TMEM117: variants seen among roughly 807,000 people sequenced by gnomAD.
TMEM117 encodes transmembrane protein 117.
A neutral mutation model predicts 52.4 loss-of-function variants in TMEM117; 27 were observed. The observed-to-expected ratio is 0.51, with a 90% CI of 0.38 to 0.71. The LOEUF is 0.71. TMEM117 is among the 30% of genes least tolerant of loss of function. The pLI is 0.00. For missense variants in TMEM117, 556 were observed against 630.5 expected, an observed-to-expected ratio of 0.88 and a Z score of 1.26; for synonymous variants, 215 against 206.3, an observed-to-expected ratio of 1.04 and a Z score of -0.36.
chr12:44,172,042 G>T (rs186877269), intron 4 of TMEM117, among the ~76,000 whole-genome samples: 1 of 152,350 alleles, frequency 6.6e-6, no homozygotes, highest in African/African-American at 2.4e-5. Flanking sequence ...GGGAGATGAA[G>T]TTTGGTTGTA....
In TMEM117 at chr12:44,378,110, G is replaced by A. The variant is rs1951967751; in HGVS notation, c.898+1386G>A. On this transcript the variant is annotated intron_variant, in intron 7 of 7. Transcript: ENST00000266534. The stretch of plus-strand genomic sequence containing the variant: ...ATGGCATCATCATATCCCTTTGGGG[G>A]GGGCTTTTGCGTAGACCATCTGTTC... Among the ~76,000 whole-genome samples the A allele has an allele frequency of 2.6e-5, 4 of 152,238 alleles. No individual in the cohort carries two copies. The South Asian group carries it at 6.2e-4, about 24-fold the overall frequency.
At chr12:43,938,868 C>T (rs909064206) in intron 2 of TMEM117, among the ~76,000 whole-genome samples, 13 of 152,044 alleles carry the variant, frequency 8.6e-5, no homozygotes, top group East Asian at 1.9e-4. Flanking sequence ...GGCACGGTGG[C>T]GTGTGCCTGT....
intron 3 of TMEM117, among the ~76,000 whole-genome samples, chr12:44,133,020 CATA>C (rs1414095233): frequency 1.3e-5 from 2 of 152,166 alleles, no homozygotes; most frequent in Non-Finnish European, 2.9e-5. Flanking sequence ...GTGAGTTTTC[CATA>C]ATATCTTTGG....
chr12:44,072,789 G>A (rs529574831), intron 3 of TMEM117, among the ~76,000 whole-genome samples: 3 of 152,216 alleles, frequency 2.0e-5, no homozygotes, highest in South Asian at 2.1e-4. Context: ...TAAAAGAAGC[G>A]ATTTAGAAAA....
In TMEM117 at chr12:44,353,738, C is replaced by T. The variant is rs201372191; in HGVS notation, c.769-22857C>T. 4.3e-4 allele frequency among the ~76,000 whole-genome samples: 66 copies of T among 152,230 alleles called. 1 individual carries two copies. The East Asian group carries it at 0.012, about 28-fold the overall frequency. On this transcript the variant is annotated intron_variant, in intron 6 of 7. Coordinates refer to ENST00000266534, the MANE Select transcript of TMEM117 (RefSeq NM_032256.3). ...TTTGAAGTCAGGTAGCGTGATGCCT[C>T]CAGCTTTGTTCTTTTGGCTTAGGAT...
At chr12:44,289,879 T>A (rs1210674413) in intron 5 of TMEM117, among the ~76,000 whole-genome samples, 2 of 152,132 alleles carry the variant, frequency 1.3e-5, no homozygotes, top group Non-Finnish European at 2.9e-5. Flanking sequence ...CAACACTTGT[T>A]ATCCCTTGTC....
chr12:44,278,224 A>G (rs1435688771), intron 5 of TMEM117, among the ~76,000 whole-genome samples: 1 of 152,192 alleles, frequency 6.6e-6, no homozygotes, highest in Non-Finnish European at 1.5e-5. Flanking sequence ...GCCTCATCAT[A>G]TTCATAGGTT....
At chr12:44,334,955 G>A (rs1452066040) in intron 6 of TMEM117, among the ~76,000 whole-genome samples, 1 of 152,008 alleles carries the variant, frequency 6.6e-6, no homozygotes, top group African/African-American at 2.4e-5. Flanking sequence ...AAAAAAATCA[G>A]AGAATGTAAG....
chr12:43,804,753 A>G, the TMEM117 span, among the ~76,000 whole-genome samples: 4 of 152,352 alleles, frequency 2.6e-5, no homozygotes, highest in African/African-American at 9.6e-5. Context: ...AAGAAATATA[A>G]ATATTAGCAT....
intron 3 of TMEM117, among the ~76,000 whole-genome samples, chr12:44,069,144 C>T (rs971561097): frequency 9.2e-5 from 14 of 152,108 alleles, no homozygotes; most frequent in African/African-American, 2.4e-4. Flanking sequence ...AATCTCTCTT[C>T]GTAGTTGCCC....
At chr12:43,823,756 C>T in the TMEM117 span, among the ~76,000 whole-genome samples, 3 of 152,226 alleles carry the variant, frequency 2.0e-5, no homozygotes, top group Non-Finnish European at 4.4e-5. Context: ...TCGTGATCCA[C>T]CCACCTCAGC....
intron 5 of TMEM117, among the ~76,000 whole-genome samples, chr12:44,229,236 A>T (rs992419497): frequency 2.6e-5 from 4 of 152,122 alleles, no homozygotes; most frequent in African/African-American, 9.7e-5. Context: ...CACCCAAGTT[A>T]TGATGCCAAA....
At chr12:44,368,867 A>T (rs1375206796) in intron 6 of TMEM117, among the ~76,000 whole-genome samples, 2 of 152,126 alleles carry the variant, frequency 1.3e-5, no homozygotes, top group Non-Finnish European at 2.9e-5. Context: ...TTTGAGTAAG[A>T]AATATGCCAA....
In TMEM117 at chr12:43,944,268, C is replaced by G; in HGVS notation, c.336C>G (p.Phe112Leu). 6.2e-7 allele frequency: 1 copy of G among 1,613,288 alleles called. No individual in the cohort carries two copies. Among genetic ancestry groups the G allele is most frequent in the Non-Finnish European group, 8.5e-7 (1 of 1,179,380 alleles). ...REDHGSWMTMFFSTILFLFIF... is the reference protein window; with the variant it reads ...REDHGSWMTMLFSTILFLFIF... ...ATCATGGGTCGTGGATGACAATGTT[C>G]TTCAGCACAATTCTCTTTCTCTTCA... is the stretch of plus-strand genomic sequence containing the variant. Residue 112 changes from phenylalanine to leucine, a missense_variant, in exon 3 of 8, where the codon TTC (phenylalanine) becomes TTG (leucine). Phe to Leu is a conservative substitution (Grantham distance 22, BLOSUM62 0). Around this residue, in one of 3 missense-constraint regions of TMEM117, gnomAD observed 328 missense variants for 371.4 expected, o/e 0.88. Coordinates refer to ENST00000266534, the MANE Select transcript of TMEM117 (RefSeq NM_032256.3).
chr12:43,832,994 G>A (rs1942991451), upstream of TMEM117, among the ~76,000 whole-genome samples: 1 of 152,196 alleles, frequency 6.6e-6, no homozygotes, highest in South Asian at 2.1e-4. Context: ...GGGCTGAGCT[G>A]GAGATCATGG....
intron 3 of TMEM117, among the ~76,000 whole-genome samples, chr12:44,037,304 C>G (rs79641741): frequency 9.2e-5 from 14 of 152,256 alleles, no homozygotes; most frequent in African/African-American, 3.1e-4. Context: ...GGGAAGCCCC[C>G]CTTCCCTGCA....
At chr12:43,837,625 G>A (rs1156366405) in intron 1 of TMEM117, among the ~76,000 whole-genome samples, 1 of 152,226 alleles carries the variant, frequency 6.6e-6, no homozygotes, top group Non-Finnish European at 1.5e-5. Context: ...CATTACAGGT[G>A]TGAGCCACTG....
intron 3 of TMEM117, among the ~76,000 whole-genome samples, chr12:44,121,385 G>C (rs1948231632): frequency 6.6e-6 from 1 of 152,086 alleles, no homozygotes; most frequent in South Asian, 2.1e-4. Flanking sequence ...TATCCCACCT[G>C]TGCCACCCCT....
At chr12:44,358,155 G>C in intron 6 of TMEM117, among the ~76,000 whole-genome samples, 1 of 151,998 alleles carries the variant, frequency 6.6e-6, no homozygotes, top group East Asian at 1.9e-4. Flanking sequence ...AAAAGACACT[G>C]TGGATTCCTA....
Sources: allele counts gnomAD v4.1 joint callset (sites outside exome capture counted in the v4.1 genomes callset), GRCh38; gene constraint gnomAD v4.1.1; regional missense constraint gnomAD v4.1.1; transcripts MANE v1.5; gene names NCBI Gene and HGNC (gene_info 2026-07-23, HGNC 2026-07-21).